The following FAM107B variants were observed in gnomAD, a reference collection of about 807,000 sequenced individuals.
FAM107B encodes the protein family with sequence similarity 107 member B, also known as protein FAM107B.
FAM107B carries 21 observed loss-of-function variants against 31.5 expected under a neutral mutation model. The observed-to-expected ratio is 0.67, with a 90% confidence interval of 0.47 to 0.96. The LOEUF is 0.96. FAM107B is among the 40% of genes least tolerant of loss of function. The pLI, the probability that FAM107B is intolerant of heterozygous loss-of-function variation, is 0.00. For missense variants in FAM107B, 452 were observed against 377.1 expected (o/e 1.20, Z -1.64); for synonymous variants, 157 against 141.5 (o/e 1.11, Z -0.78).
chr10:14,731,024 T>A (rs951983969), intron 1 of FAM107B, among the ~76,000 whole-genome samples: 1 of 152,108 alleles, frequency 6.6e-6, no homozygotes, highest in Admixed American at 6.6e-5. Flanking sequence ...ATGACTGGAA[T>A]CAGGGAGAGG....
chr10:14,611,275 C>T (rs139603619), intron 2 of FAM107B, among the ~76,000 whole-genome samples: 352 of 152,088 alleles, frequency 2.3e-3, no homozygotes, highest in African/African-American at 8.1e-3. Flanking sequence ...ACCATCTCTG[C>T]AATTAAGCAA....
At chr10:14,563,737 G>A (rs760600350) in intron 2 of FAM107B, among the ~76,000 whole-genome samples, 2 of 152,148 alleles carry the variant, frequency 1.3e-5, no homozygotes, top group Non-Finnish European at 2.9e-5. Flanking sequence ...TGATGTAACT[G>A]TGTGAAACTA....
rs1196892640 is a variant in FAM107B at position 14,599,399 on chromosome 10, T to G, written c.469+68235A>C. On this transcript the variant is annotated intron_variant, in intron 2 of 4. Transcript: ENST00000181796. The stretch of plus-strand genomic sequence containing the variant: ...TGCCACAGCAGAAACCCCAAGACTT[T>G]GCTGTGTGGAGGAAACATTATTGTC... Among the ~76,000 whole-genome samples, 3 of 152,214 alleles carry G rather than the reference T, an allele frequency of 2.0e-5. No individual in the cohort carries two copies. In the East Asian group the frequency reaches 5.8e-4, roughly 29 times the overall value.
chr10:14,642,209 G>A (rs1387066038), intron 2 of FAM107B, among the ~76,000 whole-genome samples: 1 of 152,216 alleles, frequency 6.6e-6, no homozygotes, highest in Non-Finnish European at 1.5e-5. Flanking sequence ...TTGGCTCAAT[G>A]TCCCATCTTC....
chr10:14,714,759 A>T (rs56119725), intron 1 of FAM107B, among the ~76,000 whole-genome samples: 19,466 of 152,216 alleles, frequency 0.13, 1,592 homozygotes, highest in African/African-American at 0.23. Context: ...CTGAAAGAAT[A>T]TTTATTTTCT....
chr10:14,626,506 TTC>T lies in FAM107B; in HGVS notation c.469+41126_469+41127del, dbSNP rs1491007454. 2.7e-3 allele frequency among the ~76,000 whole-genome samples: 294 copies of T among 107,556 alleles called. 39 individuals carry two copies. Among genetic ancestry groups the T allele is most frequent in the East Asian group, 8.2e-3 (21 of 2,570 alleles). The allele number at this position is 107,556 out of a possible 152,430, so 70.6% of individuals were successfully genotyped here. A position where few individuals can be genotyped will look rare whatever the true frequency, so the allele number is the denominator to read the frequency against. ...GTGGAATTTGAGGCGGATCTTTTTT[TTC>T]TTTTTTTTTTTTTGAGACAGAGTCT... is the stretch of plus-strand genomic sequence containing the variant. On this transcript the variant is annotated intron_variant, in intron 2 of 4. Transcript: ENST00000181796.
intron 1 of FAM107B, among the ~76,000 whole-genome samples, chr10:14,730,848 T>C (rs1032232712): frequency 6.6e-6 from 1 of 152,046 alleles, no homozygotes; most frequent in African/African-American, 2.4e-5. Context: ...ACCAGGACAG[T>C]TGGTCACCCA....
intron 3 of FAM107B, among the ~76,000 whole-genome samples, chr10:14,527,436 T>C (rs935630019): frequency 1.3e-5 from 2 of 152,250 alleles, no homozygotes; most frequent in Non-Finnish European, 2.9e-5. Context: ...CTGTAACACA[T>C]AATCTCTGAA....
At chr10:14,680,509 G>A (rs1437322351) in intron 1 of FAM107B, among the ~76,000 whole-genome samples, 3 of 151,232 alleles carry the variant, frequency 2.0e-5, no homozygotes, top group South Asian at 2.1e-4. Context: ...CGGAGGCAGA[G>A]GTTGCAGTGA....
At position 14,730,404 on chromosome 10, in the gene FAM107B, G is replaced by T. The variant is rs1856146621; in HGVS notation, c.411+43849C>A. Reference sequence around the variant, plus strand: ...GATATTCTTGAGCTGGGATTTAAAGGCTAGAATTGGATTTATAGGCAGATA... The same window carrying T: ...GATATTCTTGAGCTGGGATTTAAAGTCTAGAATTGGATTTATAGGCAGATA... On this transcript the variant is annotated intron_variant, in intron 1 of 4. Coordinates refer to ENST00000181796, the MANE Select transcript of FAM107B (RefSeq NM_031453.4). Among the ~76,000 whole-genome samples, 5 of 152,124 alleles carry T rather than the reference G, an allele frequency of 3.3e-5. No homozygotes were observed. In the South Asian group the frequency reaches 1.0e-3, roughly 31 times the overall value.
In FAM107B at chr10:14,530,440, A is replaced by G. The variant is rs1157985825; in HGVS notation, c.545T>C (p.Ile182Thr). The G allele has an allele frequency of 1.9e-6, 3 of 1,614,088 alleles. No homozygotes were observed. The highest frequency in any genetic ancestry group is 2.5e-6 in the Non-Finnish European group (3 of 1,180,010). Reference sequence around the variant, plus strand: ...AATGAGTTCAGGATTGTCATCTTCTATGTAGTCTGGCTCGGCCATGATGCT... The same window carrying G: ...AATGAGTTCAGGATTGTCATCTTCTGTGTAGTCTGGCTCGGCCATGATGCT... The part of the protein sequence containing the change: ...TRSIMAEPDY[I>T]EDDNPELIRP... Residue 182 changes from isoleucine to threonine, a missense_variant, in exon 3 of 5, where the codon ATA becomes ACA. Coordinates refer to ENST00000181796, the MANE Select transcript of FAM107B (RefSeq NM_031453.4).
chr10:14,579,964 G>A (rs993165923), intron 2 of FAM107B, among the ~76,000 whole-genome samples: 1 of 151,256 alleles, frequency 6.6e-6, no homozygotes, highest in African/African-American at 2.4e-5. Flanking sequence ...AGAAGTTGCA[G>A]TGAGCTGAGA....
chr10:14,666,734 T>C (rs1854413138), intron 2 of FAM107B, among the ~76,000 whole-genome samples: 1 of 152,078 alleles, frequency 6.6e-6, no homozygotes, highest in Non-Finnish European at 1.5e-5. Context: ...ATGTTGGTAA[T>C]TGATGGGGGT....
intron 2 of FAM107B, among the ~76,000 whole-genome samples, chr10:14,618,491 A>G (rs1852910622): frequency 6.6e-6 from 1 of 152,098 alleles, no homozygotes; most frequent in African/African-American, 2.4e-5. Context: ...ACGCCCCCCA[A>G]AAAGATGTTG....
intron 1 of FAM107B, among the ~76,000 whole-genome samples, chr10:14,692,437 A>C (rs1261423836): frequency 6.6e-6 from 1 of 152,192 alleles, no homozygotes; most frequent in African/African-American, 2.4e-5. Context: ...CTTTAGGGAC[A>C]AGGGCAGATA....
At chr10:14,722,580 G>A (rs1324292617) in intron 1 of FAM107B, among the ~76,000 whole-genome samples, 1 of 152,076 alleles carries the variant, frequency 6.6e-6, no homozygotes, top group African/African-American at 2.4e-5. Flanking sequence ...GACTAATATT[G>A]AGAATCTTGT....
chr10:14,637,149 A>C (rs1487958481), intron 2 of FAM107B, among the ~76,000 whole-genome samples: 1 of 152,092 alleles, frequency 6.6e-6, no homozygotes, highest in African/African-American at 2.4e-5. Context: ...TTTTAACAAG[A>C]GTGTCATTCC....
chr10:14,744,575 A>G (rs1832688282), intron 1 of FAM107B, among the ~76,000 whole-genome samples: 1 of 151,986 alleles, frequency 6.6e-6, no homozygotes, highest in African/African-American at 2.4e-5. Flanking sequence ...ACTTTTTTTG[A>G]AGGCCTTTTC....
intron 2 of FAM107B, among the ~76,000 whole-genome samples, chr10:14,655,376 T>C (rs1370606348): frequency 6.6e-6 from 1 of 152,202 alleles, no homozygotes; most frequent in African/African-American, 2.4e-5. Flanking sequence ...TTATTTTTGA[T>C]AGGGTTTTCT....
Sources: allele counts gnomAD v4.1 joint callset (sites outside exome capture counted in the v4.1 genomes callset), GRCh38; gene constraint gnomAD v4.1.1; transcripts MANE v1.5; gene names NCBI Gene and HGNC (gene_info 2026-07-23, HGNC 2026-07-21).